Variants in PLCL1 observed in about 807,000 individuals in gnomAD.
The protein encoded by PLCL1 is inactive phospholipase C-like protein 1.
A neutral mutation model predicts 84.4 loss-of-function variants in PLCL1; 41 were observed. The ratio of observed to expected loss-of-function variants is 0.49; its 90% confidence interval spans 0.38 to 0.63. The LOEUF (loss-of-function observed/expected upper bound fraction) is 0.63. Ranked by LOEUF, PLCL1 falls within the 30% of genes least tolerant of loss-of-function variation. PLCL1 has a pLI of 0.00. For missense variants in PLCL1, 1,206 were observed against 1,367.8 expected, an observed-to-expected ratio of 0.88 and a Z score of 1.87; for synonymous variants, 490 against 488.3, an observed-to-expected ratio of 1.00 and a Z score of -0.05.
At chr2:198,062,668 A>C (rs1199079748) in intron 1 of PLCL1, among the ~76,000 whole-genome samples, 1 of 152,160 alleles carries the variant, frequency 6.6e-6, no homozygotes, top group Non-Finnish European at 1.5e-5. Flanking sequence ...GAATATTCTG[A>C]TTTGGTGCAG....
chr2:198,016,865 A>G (rs1574248843), intron 1 of PLCL1, among the ~76,000 whole-genome samples: 1 of 152,202 alleles, frequency 6.6e-6, no homozygotes, highest in Admixed American at 6.5e-5. Context: ...TGTGCCTTGC[A>G]GAGTCCTCAG....
intron 1 of PLCL1, among the ~76,000 whole-genome samples, chr2:198,035,640 G>T (rs563771827): frequency 7.2e-4 from 109 of 152,318 alleles, no homozygotes; most frequent in Non-Finnish European, 1.4e-3. Flanking sequence ...GTAACAGATG[G>T]AATAAGAATC....
chr2:198,003,628 T>C (rs1255000259), intron 1 of PLCL1, among the ~76,000 whole-genome samples: 1 of 152,170 alleles, frequency 6.6e-6, no homozygotes, highest in Non-Finnish European at 1.5e-5. Context: ...TCTTCTCAGA[T>C]ACTTTTTTTT....
At chr2:197,891,177 G>C (rs1164088656) in intron 1 of PLCL1, among the ~76,000 whole-genome samples, 2 of 152,094 alleles carry the variant, frequency 1.3e-5, no homozygotes, top group Non-Finnish European at 2.9e-5. Context: ...TACTGAAAGA[G>C]GAAACAGGCA....
chr2:197,806,973 C>T (rs1690499194), intron 1 of PLCL1, among the ~76,000 whole-genome samples: 1 of 152,140 alleles, frequency 6.6e-6, no homozygotes, highest in Admixed American at 6.5e-5. Context: ...AATGGTGCCT[C>T]TTTTGTTTTG....
chr2:197,817,231 T>A (rs1222227332), intron 1 of PLCL1, among the ~76,000 whole-genome samples: 1 of 150,726 alleles, frequency 6.6e-6, no homozygotes, highest in African/African-American at 2.4e-5. Flanking sequence ...ATTTTTTTTT[T>A]CTTGTCCAAA....
At chr2:198,070,745 G>A (rs1167849074) in intron 1 of PLCL1, among the ~76,000 whole-genome samples, 3 of 151,556 alleles carry the variant, frequency 2.0e-5, no homozygotes, top group East Asian at 1.9e-4. Context: ...AATTTTAACC[G>A]TTCTACTTAT....
chr2:198,093,923 C>T (rs1407836092), intron 3 of PLCL1, among the ~76,000 whole-genome samples: 1 of 151,588 alleles, frequency 6.6e-6, no homozygotes, highest in African/African-American at 2.4e-5. Flanking sequence ...GATTTTTTCC[C>T]CTAAATTTAG....
At chr2:198,098,161 T>C (rs1693246848) in intron 3 of PLCL1, among the ~76,000 whole-genome samples, 1 of 152,124 alleles carries the variant, frequency 6.6e-6, no homozygotes, top group Non-Finnish European at 1.5e-5. Flanking sequence ...GCTAGAGGAA[T>C]TATTCCAGTG....
In PLCL1 at chr2:197,804,872, C is replaced by A. The variant is rs1574887585; in HGVS notation, c.-228C>A. 4.7e-6 allele frequency: 2 copies of A among 423,434 alleles called. No homozygotes were observed. Among genetic ancestry groups the A allele is most frequent in the East Asian group, 7.6e-5 (2 of 26,244 alleles). The allele number at this position is 423,434 out of a possible 1,614,324, so 26.2% of individuals were successfully genotyped here. ...CCCCACTCCCGCCACCGTCCCCCGC[C>A]GGACTGCTAGCCTCCTAGACCGAAG... On this transcript the variant is annotated 5_prime_UTR_variant, in exon 1 of 6. Transcript: ENST00000428675.
chr2:198,141,588 G>A (rs868407900), intron 5 of PLCL1, among the ~76,000 whole-genome samples: 4 of 152,212 alleles, frequency 2.6e-5, no homozygotes, highest in Middle Eastern at 3.4e-3. Context: ...CAGAGCAAAG[G>A]ATTAAACTTC....
At chr2:197,863,116 G>C (rs1687463995) in intron 1 of PLCL1, among the ~76,000 whole-genome samples, 1 of 151,130 alleles carries the variant, frequency 6.6e-6, no homozygotes, top group Non-Finnish European at 1.5e-5. Flanking sequence ...GAACTCTGCT[G>C]GGTAAATATA....
At chr2:197,838,963 T>C (rs1574906411) in intron 1 of PLCL1, among the ~76,000 whole-genome samples, 1 of 152,360 alleles carries the variant, frequency 6.6e-6, no homozygotes, top group East Asian at 1.9e-4. Context: ...TACACTGTTT[T>C]GGTGCATATG....
intron 1 of PLCL1, among the ~76,000 whole-genome samples, chr2:197,934,554 G>C (rs1421668444): frequency 6.6e-6 from 1 of 151,968 alleles, no homozygotes. Flanking sequence ...ATTTGAATGA[G>C]GTATTTGCAG....
chr2:198,122,364 T>C (rs1432590181), intron 5 of PLCL1, among the ~76,000 whole-genome samples: 1 of 152,132 alleles, frequency 6.6e-6, no homozygotes, highest in Non-Finnish European at 1.5e-5. Flanking sequence ...TATATGATCT[T>C]TTCTTAAAAT....
At chr2:197,947,237 A>T (rs201581061) in intron 1 of PLCL1, among the ~76,000 whole-genome samples, 18 of 142,724 alleles carry the variant, frequency 1.3e-4, no homozygotes, top group African/African-American at 4.4e-4. Context: ...TGCTTAGATA[A>T]ATATATATAT....
At chr2:197,980,269 T>C (rs538258799) in intron 1 of PLCL1, among the ~76,000 whole-genome samples, 1 of 152,362 alleles carries the variant, frequency 6.6e-6, no homozygotes, top group South Asian at 2.1e-4. Flanking sequence ...ATCTGAGTGA[T>C]ATGTCCAGTG....
chr2:198,123,011 C>T (rs1423773671), intron 5 of PLCL1, among the ~76,000 whole-genome samples: 1 of 152,068 alleles, frequency 6.6e-6, no homozygotes, highest in Non-Finnish European at 1.5e-5. Context: ...GACCCGCAGT[C>T]CTTGTCCACA....
At chr2:198,083,719 TA>T in intron 1 of PLCL1, 38 bp from the exon 2 acceptor site, 2 of 1,387,234 alleles carry the variant, frequency 1.4e-6, no homozygotes, top group Non-Finnish European at 9.9e-7. Context: ...GTCTGTTTTC[TA>T]AAGGAAATTG....
Sources: allele counts gnomAD v4.1 joint callset (sites outside exome capture counted in the v4.1 genomes callset), GRCh38; gene constraint gnomAD v4.1.1; transcripts MANE v1.5; gene names NCBI Gene and HGNC (gene_info 2026-07-23, HGNC 2026-07-21).